Variants in TRPM3 observed in about 807,000 individuals in gnomAD.
TRPM3 encodes the protein transient receptor potential cation channel subfamily M member 3.
A neutral mutation model predicts 181.2 loss-of-function variants in TRPM3; 77 were observed. The observed-to-expected ratio is 0.42, with a 90% CI of 0.35 to 0.51. The LOEUF is 0.51. TRPM3 is among the 20% of genes least tolerant of loss of function. The probability of loss-of-function intolerance (pLI) is 0.01; values close to 1 mark genes in which losing one functional copy is unlikely to be tolerated. For synonymous variants in TRPM3, 745 were observed against 796.4 expected (o/e 0.94, Z 1.09); for missense variants, 1,759 against 2,196.7 (o/e 0.80, Z 3.98).
intron 1 of TRPM3, among the ~76,000 whole-genome samples, chr9:71,113,751 C>T (rs898888669): frequency 1.3e-5 from 2 of 152,166 alleles, no homozygotes; most frequent in Admixed American, 6.5e-5. Flanking sequence ...TAGAGAGATA[C>T]TGAGTGCTCA....
At chr9:71,312,045 C>G (rs2087999524) in intron 1 of TRPM3, among the ~76,000 whole-genome samples, 1 of 152,024 alleles carries the variant, frequency 6.6e-6, no homozygotes, top group South Asian at 2.1e-4. Context: ...AAGCACTATC[C>G]ATGACAGAAG....
intron 9 of TRPM3, 106 bp downstream of exon 9, chr9:70,681,400 T>G: frequency 2.2e-6 from 2 of 899,240 alleles, no homozygotes; most frequent in Non-Finnish European, 3.5e-6. Flanking sequence ...AATAATTTAT[T>G]GTGTCATAGT....
intron 7 of TRPM3, among the ~76,000 whole-genome samples, chr9:70,771,714 C>T (rs963055978): frequency 2.0e-5 from 3 of 152,100 alleles, no homozygotes; most frequent in Non-Finnish European, 4.4e-5. Flanking sequence ...CCTTGGATAC[C>T]TGGACTGTGC....
intron 1 of TRPM3, among the ~76,000 whole-genome samples, chr9:71,143,695 G>A (rs1250035343): frequency 6.6e-6 from 1 of 152,108 alleles, no homozygotes. Flanking sequence ...ATCCCTTTGG[G>A]TATATACCCA....
chr9:71,103,534 C>CA (rs1305724954), intron 1 of TRPM3, among the ~76,000 whole-genome samples: 1 of 152,048 alleles, frequency 6.6e-6, no homozygotes, highest in Non-Finnish European at 1.5e-5. Flanking sequence ...TTAGAGGAGA[C>CA]AAAAAATATC....
chr9:71,425,561 A>G (rs1455519468), intron 1 of TRPM3, among the ~76,000 whole-genome samples: 1 of 151,962 alleles, frequency 6.6e-6, no homozygotes, highest in African/African-American at 2.4e-5. Flanking sequence ...TCCCATCTCC[A>G]CTGCCACCAA....
At chr9:70,580,033 A>C (rs914637595) in intron 22 of TRPM3, among the ~76,000 whole-genome samples, 1 of 152,202 alleles carries the variant, frequency 6.6e-6, no homozygotes, top group Non-Finnish European at 1.5e-5. Context: ...AGCGATTCAC[A>C]TACTTCACAT....
chr9:71,219,471 T>C (rs891705892), intron 1 of TRPM3, among the ~76,000 whole-genome samples: 1 of 152,174 alleles, frequency 6.6e-6, no homozygotes, highest in Non-Finnish European at 1.5e-5. Flanking sequence ...ATTTAGATCA[T>C]TGACAGGAAA....
At chr9:70,750,985 A>G (rs979421596) in intron 8 of TRPM3, among the ~76,000 whole-genome samples, 2 of 152,160 alleles carry the variant, frequency 1.3e-5, no homozygotes, top group Non-Finnish European at 2.9e-5. Context: ...ACCAAGAAAA[A>G]AAAAAAAGGT....
At chr9:71,336,527 C>G (rs937793088) in intron 1 of TRPM3, among the ~76,000 whole-genome samples, 1 of 152,134 alleles carries the variant, frequency 6.6e-6, no homozygotes, top group African/African-American at 2.4e-5. Flanking sequence ...CCATACTGCC[C>G]AAAGTAATTT....
chr9:71,030,722 A>C (rs766958104), intron 1 of TRPM3, among the ~76,000 whole-genome samples: 1 of 152,194 alleles, frequency 6.6e-6, no homozygotes, highest in Non-Finnish European at 1.5e-5. Flanking sequence ...CTTTGTCACA[A>C]CAAATAAATG....
intron 1 of TRPM3, among the ~76,000 whole-genome samples, chr9:71,070,642 C>CT (rs964420765): frequency 1.4e-4 from 21 of 152,196 alleles, no homozygotes; most frequent in Non-Finnish European, 2.6e-4. Context: ...AACGTATTCA[C>CT]TTTTTTTAAA....
At chr9:71,034,739 T>C (rs1331715205) in intron 1 of TRPM3, among the ~76,000 whole-genome samples, 1 of 151,868 alleles carries the variant, frequency 6.6e-6, no homozygotes, top group African/African-American at 2.4e-5. Context: ...ATGCTACCAA[T>C]TGGGGTCTTT....
chr9:70,981,527 C>T (rs1321653188), intron 1 of TRPM3, among the ~76,000 whole-genome samples: 3 of 152,068 alleles, frequency 2.0e-5, no homozygotes, highest in Non-Finnish European at 4.4e-5. Context: ...CACAATGTTG[C>T]CTGAGGAGGT....
At chr9:70,826,526 T>G (rs2093566943) in intron 6 of TRPM3, 1 of 152,198 alleles carries the variant, frequency 6.6e-6, no homozygotes, top group Admixed American at 6.5e-5. Context: ...ACATGACACT[T>G]AAACAGTAGC....
chr9:70,765,045 A>G (rs1174212987), intron 7 of TRPM3, among the ~76,000 whole-genome samples: 2 of 152,224 alleles, frequency 1.3e-5, no homozygotes, highest in Non-Finnish European at 1.5e-5. Flanking sequence ...ATAACAATCT[A>G]TGAGGCAAGT....
intron 1 of TRPM3, among the ~76,000 whole-genome samples, chr9:71,061,360 G>T (rs983452729): frequency 1.3e-5 from 2 of 152,058 alleles, no homozygotes; most frequent in Non-Finnish European, 2.9e-5. Flanking sequence ...TTGCACATGG[G>T]GTTTGTGTGG....
chr9:71,430,327 A>C (rs2093935892), intron 1 of TRPM3, among the ~76,000 whole-genome samples: 1 of 152,222 alleles, frequency 6.6e-6, no homozygotes, highest in South Asian at 2.1e-4. Context: ...CTCATAACAA[A>C]GGAAGAGGGT....
At position 70,557,705 on chromosome 9, in the gene TRPM3, G is replaced by T. The variant is rs148918758; in HGVS notation, c.3224-4395C>A. Among the ~76,000 whole-genome samples the T allele has an allele frequency of 1.9e-3, 289 of 152,284 alleles. 2 individuals carry two copies. Among genetic ancestry groups the T allele is most frequent in the African/African-American group, 6.6e-3 (274 of 41,566 alleles). On this transcript the variant is annotated intron_variant, in intron 22 of 25. Coordinates refer to ENST00000677713, the MANE Select transcript of TRPM3 (RefSeq NM_001366145.2). ...ATGGGTGGATGTTTAGGAAACGTAGGCTGGTGACTTCCCCTGGGCCTCCTC... is the reference window on the plus strand; with the variant it reads ...ATGGGTGGATGTTTAGGAAACGTAGTCTGGTGACTTCCCCTGGGCCTCCTC...
Sources: gnomAD v4.1 joint callset for allele counts (sites outside exome capture counted in the v4.1 genomes callset) on GRCh38, gnomAD v4.1.1 for gene constraint, MANE v1.5 for transcripts, NCBI Gene and HGNC (gene_info 2026-07-23, HGNC 2026-07-21) for gene names.